CCDC42: variants seen among roughly 807,000 people sequenced by gnomAD.
CCDC42 encodes the protein coiled-coil domain containing 42.
CCDC42 carries 38 observed loss-of-function variants against 40.8 expected under a neutral mutation model. That is an observed-to-expected ratio of 0.93 (90% CI 0.72 to 1.22). The LOEUF (loss-of-function observed/expected upper bound fraction) is 1.22, where lower values mean the gene tolerates loss of function less well. Among genes scored for constraint, CCDC42 ranks in the 50% most tolerant of loss-of-function variants. CCDC42 has a pLI of 0.00. For missense variants in CCDC42, 379 were observed against 416.5 expected (o/e 0.91, Z 0.78); for synonymous variants, 135 against 157.5 (o/e 0.86, Z 1.07).
intron 4 of CCDC42, among the ~76,000 whole-genome samples, chr17:8,740,511 AG>A (rs1568053370): frequency 1.4e-5 from 2 of 146,906 alleles, no homozygotes; most frequent in African/African-American, 2.5e-5. Context: ...AAAAAAAAAA[AG>A]TGGAGGATCT....
Position 8,735,315 on chromosome 17 carries a change from A to C in CCDC42, c.715-61T>G. ...ATGTGGTGTGTGTGTGTTTGTGTGT[A>C]TGTGTGTGTGTGTATGCTCAGGGCC... is the stretch of plus-strand genomic sequence containing the variant. On this transcript the variant is annotated intron_variant, in intron 5 of 6. Transcript: ENST00000293845. The surrounding 1 kb of genome is among the most constrained non-coding windows in gnomAD (Gnocchi z 4.7). 6 of 1,601,368 alleles carry C rather than the reference A, an allele frequency of 3.7e-6. No homozygotes were observed. Among genetic ancestry groups the C allele is most frequent in the Non-Finnish European group, 5.1e-6 (6 of 1,170,056 alleles).
intron 2 of CCDC42, 63 bp downstream of exon 2, chr17:8,744,016 C>G: frequency 7.8e-7 from 1 of 1,274,042 alleles, no homozygotes; most frequent in Non-Finnish European, 1.1e-6. Flanking sequence ...CACAGGCTCT[C>G]CCAGAGCCCC....
At chr17:8,732,243 G>A (rs1273376146) in intron 6 of CCDC42, among the ~76,000 whole-genome samples, 2 of 138,302 alleles carry the variant, frequency 1.4e-5, no homozygotes, top group African/African-American at 2.7e-5. Flanking sequence ...AGCTTGCAGT[G>A]AGCCGAGATC....
In CCDC42 at chr17:8,743,967, C is replaced by A. The variant is rs73977408; in HGVS notation, c.189+112G>T. ...GAGACCAGATCACCATAGAGGACTC[C>A]TGGCTCTAGCCACCCCACTCAGACA... On this transcript the variant is annotated intron_variant, in intron 2 of 6. Coordinates refer to ENST00000293845, the MANE Select transcript of CCDC42 (RefSeq NM_144681.3). 8.0e-3 allele frequency: 6,666 copies of A among 829,136 alleles called. 316 individuals carry two copies. The African/African-American group carries it at 0.1, about 12-fold the overall frequency. The allele number at this position is 829,136 out of a possible 1,614,324, so 51.4% of individuals were successfully genotyped here.
intron 6 of CCDC42, among the ~76,000 whole-genome samples, chr17:8,731,256 C>T (rs1340516592): frequency 2.6e-5 from 4 of 152,194 alleles, no homozygotes; most frequent in African/African-American, 9.6e-5. Context: ...CAAAAAGTTA[C>T]AGATGCTGCT....
At chr17:8,741,994 G>C (rs2086648900) in intron 3 of CCDC42, among the ~76,000 whole-genome samples, 1 of 152,224 alleles carries the variant, frequency 6.6e-6, no homozygotes, top group South Asian at 2.1e-4. Context: ...TGTGGGACTT[G>C]GGCTCTGGAC....
At chr17:8,731,301 TTGG>T (rs2086578516) in intron 6 of CCDC42, among the ~76,000 whole-genome samples, 1 of 152,208 alleles carries the variant, frequency 6.6e-6, no homozygotes, top group Non-Finnish European at 1.5e-5. Context: ...TCATACACCG[TTGG>T]TGGAAGTGCA....
chr17:8,733,841 C>T (rs761322289), intron 6 of CCDC42, among the ~76,000 whole-genome samples: 34 of 152,110 alleles, frequency 2.2e-4, no homozygotes, highest in Non-Finnish European at 3.4e-4. Flanking sequence ...TGAGGACCTC[C>T]GGGAGGCTGA....
Position 8,743,738 on chromosome 17 carries a change from G to A in CCDC42, c.190-8C>T. The stretch of plus-strand genomic sequence containing the variant: ...CATTCTGCGCTGAAACATCTTTGGG[G>A]TGGGGGTGGGAGAGCAGAGAGGTCA... On this transcript the variant is annotated splice_polypyrimidine_tract_variant and splice_region_variant and intron_variant, in intron 2 of 6. Transcript: ENST00000293845. The A allele has an allele frequency of 2.0e-6, 3 of 1,528,138 alleles. No individual in the cohort carries two copies. The highest frequency in any genetic ancestry group is 1.1e-5 in the South Asian group (1 of 89,312). The allele number at this position is 1,528,138 out of a possible 1,614,324, so 94.7% of individuals were successfully genotyped here. A position where few individuals can be genotyped will look rare whatever the true frequency, so the allele number is the denominator to read the frequency against.
At chr17:8,740,657 C>T (rs1003292196) in intron 4 of CCDC42, among the ~76,000 whole-genome samples, 4 of 151,962 alleles carry the variant, frequency 2.6e-5, no homozygotes, top group Non-Finnish European at 5.9e-5. Context: ...GGGGGGTTTC[C>T]GGGAGGGGCA....
chr17:8,740,143 C>T (rs376528643), intron 4 of CCDC42, among the ~76,000 whole-genome samples: 3 of 152,048 alleles, frequency 2.0e-5, no homozygotes, highest in African/African-American at 7.2e-5. Flanking sequence ...GGCTGTTGGT[C>T]ACATGGGGGA....
chr17:8,743,792 A>C (rs2086660085), intron 2 of CCDC42, 62 bp from the exon 3 acceptor site: 18 of 980,810 alleles, frequency 1.8e-5, no homozygotes, highest in Non-Finnish European at 2.6e-5. Flanking sequence ...GTACCAAGGA[A>C]GACCCCAGCA....
chr17:8,735,620 A>G lies in CCDC42; in HGVS notation c.493-9T>C, dbSNP rs777608376. ...TCATGGATCTCCTCGAACTGTGGTC[A>G]GGGGCTCAGGTCAATGCACAGCCAG... On this transcript the variant is annotated splice_polypyrimidine_tract_variant and intron_variant, in intron 4 of 6. Transcript: ENST00000293845. The surrounding 1 kb of genome is among the most constrained non-coding windows in gnomAD (Gnocchi z 4.7). 6.2e-7 allele frequency: 1 copy of G among 1,611,746 alleles called. No homozygotes were observed.
intron 4 of CCDC42, among the ~76,000 whole-genome samples, chr17:8,736,714 A>C (rs1408225395): frequency 6.6e-6 from 1 of 152,212 alleles, no homozygotes; most frequent in East Asian, 1.9e-4. Flanking sequence ...AAAAGGTTTC[A>C]TGGGAGAAAG....
At chr17:8,742,812 T>C (rs1428994768) in intron 3 of CCDC42, among the ~76,000 whole-genome samples, 1 of 152,232 alleles carries the variant, frequency 6.6e-6, no homozygotes, top group East Asian at 1.9e-4. Flanking sequence ...TCTGTATTTG[T>C]AGCAAACTCT....
Position 8,744,618 on chromosome 17 carries a change from T to G in CCDC42, c.-9A>C. On this transcript the variant is annotated 5_prime_UTR_variant, in exon 1 of 7. Coordinates refer to ENST00000293845, the MANE Select transcript of CCDC42 (RefSeq NM_144681.3). ...ATGATGCCCAGACTCATGGTGGCAG[T>G]GACCTCACGGCCCAGGCAGCTGACT... 6.2e-7 allele frequency: 1 copy of G among 1,604,976 alleles called. No homozygotes were observed. The highest frequency in any genetic ancestry group is 8.5e-7 in the Non-Finnish European group (1 of 1,173,976).
At chr17:8,731,411 C>T (rs1283925706) in intron 6 of CCDC42, among the ~76,000 whole-genome samples, 3 of 152,150 alleles carry the variant, frequency 2.0e-5, no homozygotes, top group Non-Finnish European at 2.9e-5. Flanking sequence ...TTGTTATATA[C>T]CCAAAGGAAT....
intron 4 of CCDC42, among the ~76,000 whole-genome samples, chr17:8,737,880 AAC>A (rs1432626401): frequency 6.6e-6 from 1 of 152,200 alleles, no homozygotes; most frequent in Non-Finnish European, 1.5e-5. Flanking sequence ...CAGTGGCATA[AAC>A]ACAGCTCACT....
At chr17:8,730,316 G>T in intron 6 of CCDC42, 109 bp from the exon 7 acceptor site, 1 of 659,020 alleles carries the variant, frequency 1.5e-6, no homozygotes, top group South Asian at 2.1e-5. Flanking sequence ...TTGCTTTCCT[G>T]TGACTGACTT....
Sources: allele counts gnomAD v4.1 joint callset (sites outside exome capture counted in the v4.1 genomes callset), GRCh38; gene constraint gnomAD v4.1.1; non-coding constraint Gnocchi (gnomAD v3.1); transcripts MANE v1.5; gene names NCBI Gene and HGNC (gene_info 2026-07-23, HGNC 2026-07-21).